THEMIS2: variants seen among roughly 807,000 people sequenced by gnomAD.
THEMIS2 encodes the protein thymocyte selection associated family member 2, also known as protein THEMIS2.
Under a neutral mutation model 46.8 loss-of-function variants are expected in THEMIS2, and 29 were observed. That is an observed-to-expected ratio of 0.62 (90% CI 0.46 to 0.84). The LOEUF is 0.84. Among genes scored for constraint, THEMIS2 ranks in the 40% least tolerant of loss-of-function variants. THEMIS2 has a pLI of 0.00. For missense variants in THEMIS2, 698 were observed against 834.7 expected (o/e 0.84, Z 2.02); for synonymous variants, 335 against 349.1 (o/e 0.96, Z 0.45).
rs751520098 is a variant in THEMIS2 at position 27,885,866 on chromosome 1, G to A, written c.1877-1G>A. 1.2e-6 allele frequency: 2 copies of A among 1,614,034 alleles called. No individual in the cohort carries two copies. The highest frequency in any genetic ancestry group is 1.7e-5 in the Admixed American group (1 of 60,022). On this transcript the variant is annotated splice_acceptor_variant, in intron 5 of 5. Transcript: ENST00000373921. LOFTEE classifies it high-confidence loss of function. ...CCTCATTGACTCGGACTCTTTTGCAGATGATGATGAACATGATTATGAAGA... is the reference window on the plus strand; with the variant it reads ...CCTCATTGACTCGGACTCTTTTGCAAATGATGATGAACATGATTATGAAGA...
intron 1 of THEMIS2, among the ~76,000 whole-genome samples, chr1:27,875,661 T>C (rs1211922144): frequency 6.6e-6 from 1 of 152,202 alleles, no homozygotes; most frequent in East Asian, 1.9e-4. Context: ...TTCTGTGTTC[T>C]CGACACCACT....
In THEMIS2 at chr1:27,876,049, C is replaced by A. The variant is rs568531018; in HGVS notation, c.95-539C>A. Among the ~76,000 whole-genome samples, 16 of 152,044 alleles carry A rather than the reference C, an allele frequency of 1.1e-4. No homozygotes were observed. The South Asian group carries it at 3.1e-3, about 30-fold the overall frequency. On this transcript the variant is annotated intron_variant, in intron 1 of 5. Transcript: ENST00000373921. ...GGAAAGCAGAACTTTGCCCATTGGG[C>A]CTCACTCTGTCAGTGCCCCTCTATT...
At chr1:27,883,254 G>A (rs2089716899) in intron 4 of THEMIS2, 1 of 593,154 alleles carries the variant, frequency 1.7e-6, no homozygotes, top group African/African-American at 1.9e-5. Context: ...ACAAGGACTT[G>A]GAGACCCTAA....
chr1:27,879,108 G>C (rs2089634776), intron 2 of THEMIS2, among the ~76,000 whole-genome samples: 2 of 152,162 alleles, frequency 1.3e-5, no homozygotes, highest in African/African-American at 4.8e-5. Flanking sequence ...CTGGCGGAAT[G>C]GGTGGGGGCT....
Position 27,882,184 on chromosome 1 carries a change from A to G in THEMIS2, c.860A>G (p.Gln287Arg). 1 of 1,614,014 alleles carries G rather than the reference A, an allele frequency of 6.2e-7. No homozygotes were observed. The highest frequency in any genetic ancestry group is 8.5e-7 in the Non-Finnish European group (1 of 1,179,946). ...SPWVGSLQKG[Q>R]RLCVYGLASP... ...TGGGTGGGCTCCTTGCAAAAAGGCC[A>G]GAGGCTTTGCGTCTATGGCCTAGCC... Residue 287 changes from glutamine (Q) to arginine (R), a missense_variant, in exon 4 of 6, where the codon CAG becomes CGG. Coordinates refer to ENST00000373921, the MANE Select transcript of THEMIS2 (RefSeq NM_001105556.3). The surrounding 1 kb of genome is among the most constrained non-coding windows in gnomAD (Gnocchi z 7.6).
chr1:27,872,752 A>G lies in THEMIS2; in HGVS notation c.94+87A>G, dbSNP rs563966124. 2.6e-4 allele frequency: 289 copies of G among 1,108,528 alleles called. 3 individuals carry two copies. In the South Asian group the frequency reaches 8.2e-3, roughly 31 times the overall value. The allele number at this position is 1,108,528 out of a possible 1,614,324, so 68.7% of individuals were successfully genotyped here. On this transcript the variant is annotated intron_variant, in intron 1 of 5. Transcript: ENST00000373921. This position sits in a 1 kb window ranked among gnomAD's most constrained non-coding sequence, Gnocchi z 4.9. ...GAGAAGACGTTAGCAATCCGGGGAA[A>G]CTGCCCCTGGGTTCAAATCCCGACA...
intron 3 of THEMIS2, among the ~76,000 whole-genome samples, chr1:27,880,797 GA>G (rs1024098687): frequency 6.6e-5 from 10 of 152,042 alleles, no homozygotes; most frequent in Middle Eastern, 3.4e-3. Flanking sequence ...TCTCTTTTTT[GA>G]AGCAGAGTCT....
intron 4 of THEMIS2, chr1:27,883,338 G>T (rs1440208078): frequency 1.3e-5 from 5 of 384,412 alleles, no homozygotes; most frequent in Non-Finnish European, 2.4e-5. Flanking sequence ...CAAGTTCATG[G>T]TGCTTTCCTC....
intron 1 of THEMIS2, among the ~76,000 whole-genome samples, chr1:27,876,068 C>A (rs2089572251): frequency 6.6e-6 from 1 of 151,954 alleles, no homozygotes; most frequent in Non-Finnish European, 1.5e-5. Flanking sequence ...GTCAGTGCCC[C>A]TCTATTTTCC....
rs542532322 is a variant in THEMIS2, at chr1:27,882,056, C to G, written c.732C>G (p.Ile244Met). 2.2e-5 allele frequency: 35 copies of G among 1,614,194 alleles called. No individual in the cohort carries two copies. The East Asian group carries it at 7.6e-4, about 35-fold the overall frequency. ...VTASSRHVHF[I>M]KPLLLSEVLA... is the part of the protein sequence containing the mutation. ...CCTCCTCCCGGCACGTCCACTTTAT[C>G]AAACCGCTGCTGCTGAGCGAGGTCC... The change falls in exon 4 of 6, where the codon ATC (isoleucine) becomes ATG (methionine). Residue 244 changes from isoleucine (I) to methionine (M), a missense_variant. Transcript: ENST00000373921. This position sits in a 1 kb window ranked among gnomAD's most constrained non-coding sequence, Gnocchi z 7.6.
At position 27,872,595 on chromosome 1, in the gene THEMIS2, CTTCGTGCGCGCCTTGGACCCCGCCTCCCT is replaced by C; in HGVS notation, c.25_53del (p.Phe9ProfsTer18). 1 of 1,490,408 alleles carries C rather than the reference CTTCGTGCGCGCCTTGGACCCCGCCTCCCT, an allele frequency of 6.7e-7. No individual in the cohort carries two copies. The highest frequency in any genetic ancestry group is 8.9e-7 in the Non-Finnish European group (1 of 1,122,040). 92.3% of individuals were successfully genotyped at this position (1,490,408 alleles called of 1,614,324 possible). ...CCATGGAGCCGGTGCCGCTGCAGGA[CTTCGTGCGCGCCTTGGACCCCGCCTCCCT>C]CCCGCGCGTGCTGCGGGTCTGCTCG... On this transcript the variant is annotated frameshift_variant, in exon 1 of 6. Transcript: ENST00000373921. LOFTEE classifies it high-confidence loss of function. This position sits in a 1 kb window ranked among gnomAD's most constrained non-coding sequence, Gnocchi z 4.9.
Position 27,882,851 on chromosome 1 carries a change from TGTG to T in THEMIS2, c.1528_1530del (p.Val510del). 5 of 1,613,236 alleles carry T rather than the reference TGTG, an allele frequency of 3.1e-6. No individual in the cohort carries two copies. The highest frequency in any genetic ancestry group is 4.2e-6 in the Non-Finnish European group (5 of 1,179,788). On this transcript the variant is annotated inframe_deletion, in exon 4 of 6. Coordinates refer to ENST00000373921, the MANE Select transcript of THEMIS2 (RefSeq NM_001105556.3). The surrounding 1 kb of genome is among the most constrained non-coding windows in gnomAD (Gnocchi z 7.6). ...CTCCCCGGTGGCTGGACCTGACTGTTGTGAAGGCCAAGGGGCAGCCAGACTTGC... is the reference window on the plus strand; with the variant it reads ...CTCCCCGGTGGCTGGACCTGACTGTTAAGGCCAAGGGGCAGCCAGACTTGC...
At chr1:27,877,098 C>T (rs1364658988) in intron 2 of THEMIS2, among the ~76,000 whole-genome samples, 1 of 152,176 alleles carries the variant, frequency 6.6e-6, no homozygotes, top group East Asian at 1.9e-4. Flanking sequence ...AATCAGGTGC[C>T]ACCCTCTCCA....
Position 27,882,777 on chromosome 1 carries a change from T to A in THEMIS2, c.1453T>A (p.Phe485Ile). The A allele has an allele frequency of 6.2e-7, 1 of 1,613,856 alleles. No homozygotes were observed. Among genetic ancestry groups the A allele is most frequent in the Admixed American group, 1.7e-5 (1 of 59,984 alleles). ...GCTGGAGGAGAAGATCACAGAGCCA[T>A]TCTTGGTGGTGAGCCTAGACTCTGA... Reference protein sequence around the residue: ...LRLEEKITEPFLVVSLDSEPG... With the variant: ...LRLEEKITEPILVVSLDSEPG... Residue 485 changes from phenylalanine to isoleucine, a missense_variant, in exon 4 of 6, where the codon TTC (phenylalanine) becomes ATC (isoleucine). Physicochemically the swap from Phe to Ile is conservative, Grantham distance 21. Transcript: ENST00000373921. The surrounding 1 kb of genome is among the most constrained non-coding windows in gnomAD (Gnocchi z 7.6).
chr1:27,874,561 CA>C (rs1437500936), intron 1 of THEMIS2, among the ~76,000 whole-genome samples: 5 of 151,984 alleles, frequency 3.3e-5, no homozygotes, highest in Non-Finnish European at 7.4e-5. Context: ...GCAGGAGGAT[CA>C]CTTGAACTCA....
intron 2 of THEMIS2, among the ~76,000 whole-genome samples, chr1:27,879,352 A>G (rs2148637245): frequency 6.6e-6 from 1 of 152,084 alleles, no homozygotes; most frequent in South Asian, 2.1e-4. Context: ...GTGGAAGTCT[A>G]GTGTGTCTGT....
chr1:27,881,842 C>CA (rs371204275), intron 3 of THEMIS2, 129 bp from the exon 4 acceptor site: 37,704 of 538,662 alleles, frequency 0.07, 12 homozygotes, highest in Middle Eastern at 0.086. Flanking sequence ...AACTCCATCT[C>CA]AAAAAAAAAA....
In THEMIS2 at chr1:27,882,557, A is replaced by G; in HGVS notation, c.1233A>G (p.Lys411=). 6.2e-7 allele frequency: 1 copy of G among 1,614,038 alleles called. No individual in the cohort carries two copies. The highest frequency in any genetic ancestry group is 8.5e-7 in the Non-Finnish European group (1 of 1,179,990). ...QAGEDEEEEC[K]EEAESPERVL... ...GGGAGGATGAGGAGGAAGAGTGCAA[A>G]GAGGAGGCAGAGAGCCCAGAGCGGG... is the stretch of plus-strand genomic sequence containing the variant. The change falls in exon 4 of 6, where the codon AAA becomes AAG. Residue 411 remains lysine, a synonymous_variant. Coordinates refer to ENST00000373921, the MANE Select transcript of THEMIS2 (RefSeq NM_001105556.3). This position sits in a 1 kb window ranked among gnomAD's most constrained non-coding sequence, Gnocchi z 7.6.
intron 3 of THEMIS2, 83 bp from the exon 4 acceptor site, chr1:27,881,888 C>A: frequency 8.7e-7 from 1 of 1,150,388 alleles, no homozygotes; most frequent in Non-Finnish European, 1.2e-6. Context: ...GGGAGGCCAG[C>A]CGGCCCAGCC....
Sources: gnomAD v4.1 joint callset for allele counts (sites outside exome capture counted in the v4.1 genomes callset) on GRCh38, gnomAD v4.1.1 for gene constraint, Gnocchi (gnomAD v3.1) non-coding constraint, MANE v1.5 for transcripts, NCBI Gene and HGNC (gene_info 2026-07-23, HGNC 2026-07-21) for gene names.